ADAM7: variants seen among roughly 807,000 people sequenced by gnomAD.
ADAM7 encodes disintegrin and metalloproteinase domain-containing protein 7.
Under a neutral mutation model 102.9 loss-of-function variants are expected in ADAM7, and 97 were observed. That is an observed-to-expected ratio of 0.94 (90% confidence interval 0.80 to 1.12). The LOEUF (loss-of-function observed/expected upper bound fraction) is 1.12. Among genes scored for constraint, ADAM7 ranks in the 50% most tolerant of loss-of-function variants. The pLI, the probability that ADAM7 is intolerant of heterozygous loss-of-function variation, is 0.00. For synonymous variants in ADAM7, 334 were observed against 304.4 expected (o/e 1.10, Z -1.01); for missense variants, 991 against 908.7 (o/e 1.09, Z -1.16).
At chr8:24,480,677 T>G (rs1245686141) in intron 8 of ADAM7, among the ~76,000 whole-genome samples, 2 of 152,194 alleles carry the variant, frequency 1.3e-5, no homozygotes, top group Non-Finnish European at 2.9e-5. Flanking sequence ...ATAGAGAGGG[T>G]CTGAAAATCC....
intron 3 of ADAM7, among the ~76,000 whole-genome samples, chr8:24,462,845 T>C (rs1174988916): frequency 6.6e-6 from 1 of 152,176 alleles, no homozygotes; most frequent in East Asian, 1.9e-4. Context: ...AGTTCACAGG[T>C]AACCTTTGAA....
At chr8:24,446,649 T>C (rs1296884919) in intron 2 of ADAM7, among the ~76,000 whole-genome samples, 1 of 151,864 alleles carries the variant, frequency 6.6e-6, no homozygotes, top group African/African-American at 2.4e-5. Context: ...AAATAGGAAA[T>C]AGTCATGATT....
At chr8:24,466,345 T>A (rs540052363) in intron 5 of ADAM7, among the ~76,000 whole-genome samples, 1 of 152,200 alleles carries the variant, frequency 6.6e-6, no homozygotes, top group African/African-American at 2.4e-5. Context: ...CTGTCTTTAA[T>A]TACGGGAAAT....
chr8:24,474,693 C>A (rs1257805393), intron 7 of ADAM7, among the ~76,000 whole-genome samples: 1 of 151,928 alleles, frequency 6.6e-6, no homozygotes, highest in Non-Finnish European at 1.5e-5. Context: ...GAGTTTGAGA[C>A]CAGCCTGGGC....
At chr8:24,442,380 G>T in intron 1 of ADAM7, 93 bp from the exon 2 acceptor site, 5 of 853,510 alleles carry the variant, frequency 5.9e-6, no homozygotes, top group Non-Finnish European at 1.0e-5. Context: ...CTAACTGGGG[G>T]CAAATGAACT....
intron 8 of ADAM7, among the ~76,000 whole-genome samples, chr8:24,477,544 T>A (rs1819805906): frequency 7.7e-6 from 1 of 130,414 alleles, no homozygotes; most frequent in African/African-American, 2.9e-5. Flanking sequence ...AGCTGGTCTA[T>A]GTGTCCCTTG....
At chr8:24,494,197 G>GT (rs1820477357) in intron 16 of ADAM7, among the ~76,000 whole-genome samples, 1 of 151,984 alleles carries the variant, frequency 6.6e-6, no homozygotes, top group Non-Finnish European at 1.5e-5. Context: ...AGTTCAGAAT[G>GT]TAAAAAAAAG....
intron 3 of ADAM7, among the ~76,000 whole-genome samples, chr8:24,457,768 A>T (rs1676544480): frequency 6.6e-6 from 1 of 152,164 alleles, no homozygotes; most frequent in East Asian, 1.9e-4. Context: ...GCAAATCACA[A>T]ATATATTGTA....
At chr8:24,498,656 T>A (rs1235558147) in intron 16 of ADAM7, among the ~76,000 whole-genome samples, 1 of 151,524 alleles carries the variant, frequency 6.6e-6, no homozygotes, top group African/African-American at 2.4e-5. Flanking sequence ...GAATGTTTAA[T>A]TATAAATAAA....
At chr8:24,460,074 ATTTG>A (rs1819185775) in intron 3 of ADAM7, among the ~76,000 whole-genome samples, 1 of 150,264 alleles carries the variant, frequency 6.7e-6, no homozygotes, top group Non-Finnish European at 1.5e-5. Flanking sequence ...CAATGTTTGG[ATTTG>A]TTTGATTTTT....
intron 11 of ADAM7, among the ~76,000 whole-genome samples, chr8:24,487,578 T>G (rs1563390490): frequency 6.8e-6 from 1 of 147,940 alleles, no homozygotes; most frequent in Non-Finnish European, 1.5e-5. Flanking sequence ...GAGGTTGCCG[T>G]GAGCCGAGAT....
At chr8:24,452,747 G>A (rs1206234178) in intron 3 of ADAM7, among the ~76,000 whole-genome samples, 1 of 151,652 alleles carries the variant, frequency 6.6e-6, no homozygotes, top group Non-Finnish European at 1.5e-5. Context: ...TCCTAGCCTC[G>A]ATGGTCTTTA....
At chr8:24,482,079 A>T in intron 8 of ADAM7, 63 bp from the exon 9 acceptor site, 1 of 1,176,734 alleles carries the variant, frequency 8.5e-7, no homozygotes, top group Non-Finnish European at 1.2e-6. Context: ...AAAGGAATAT[A>T]GTAATATTGA....
chr8:24,450,415 G>C (rs1818737814), intron 3 of ADAM7, among the ~76,000 whole-genome samples: 1 of 152,030 alleles, frequency 6.6e-6, no homozygotes, highest in Non-Finnish European at 1.5e-5. Flanking sequence ...TGAAGCATTT[G>C]TGAATGGGAG....
chr8:24,456,391 T>C (rs1465200221), intron 3 of ADAM7, among the ~76,000 whole-genome samples: 5 of 152,206 alleles, frequency 3.3e-5, no homozygotes, highest in Non-Finnish European at 7.3e-5. Flanking sequence ...GACGCCTAGG[T>C]TGATTCCATA....
chr8:24,495,069 T>C (rs1325376481), intron 16 of ADAM7, among the ~76,000 whole-genome samples: 1 of 152,158 alleles, frequency 6.6e-6, no homozygotes, highest in East Asian at 1.9e-4. Context: ...AACCCCAGTG[T>C]CATGAAAGTA....
At chr8:24,482,062 G>A (rs180986443) in intron 8 of ADAM7, 80 bp from the exon 9 acceptor site, 2 of 1,042,606 alleles carry the variant, frequency 1.9e-6, no homozygotes, top group African/African-American at 3.3e-5. Context: ...GTTTTTTGGG[G>A]AAATGTAAAG....
At chr8:24,468,452 G>A (rs1218862017) in intron 6 of ADAM7, among the ~76,000 whole-genome samples, 1 of 151,860 alleles carries the variant, frequency 6.6e-6, no homozygotes, top group East Asian at 1.9e-4. Context: ...CGTGGCACAT[G>A]CTCACCCATG....
chr8:24,508,382 C>T (rs1391942970), intron 21 of ADAM7, among the ~76,000 whole-genome samples, 164 bp from the exon 22 acceptor site: 1 of 152,092 alleles, frequency 6.6e-6, no homozygotes, highest in African/African-American at 2.4e-5. Context: ...TTTATAACTG[C>T]TTAATTAGCA....
Sources: allele counts gnomAD v4.1 joint callset (sites outside exome capture counted in the v4.1 genomes callset), GRCh38; gene constraint gnomAD v4.1.1; transcripts MANE v1.5; gene names NCBI Gene and HGNC (gene_info 2026-07-23, HGNC 2026-07-21).